The following ACBD6 variants were observed in gnomAD, a reference collection of about 807,000 sequenced individuals.
ACBD6 encodes the protein acyl-CoA-binding domain-containing protein 6.
Under a neutral mutation model 37.2 loss-of-function variants are expected in ACBD6, and 28 were observed. That is an observed-to-expected ratio of 0.75 (90% CI 0.56 to 1.03). The LOEUF is 1.03. Among genes scored for constraint, ACBD6 ranks in the 50% least tolerant of loss-of-function variants. The pLI, the probability that ACBD6 is intolerant of heterozygous loss-of-function variation, is 0.00. For missense variants in ACBD6, 340 were observed against 337.4 expected, an observed-to-expected ratio of 1.01 and a Z score of -0.06; for synonymous variants, 113 against 126.8, an observed-to-expected ratio of 0.89 and a Z score of 0.73.
chr1:180,342,806 A>G (rs1189457259), intron 6 of ACBD6, among the ~76,000 whole-genome samples: 1 of 152,096 alleles, frequency 6.6e-6, no homozygotes, highest in Non-Finnish European at 1.5e-5. Flanking sequence ...TTTAAAATAT[A>G]TTACAAAGAA....
At chr1:180,273,166 A>C (rs1016577020) in intron 12 of ACBD6, 1 of 152,292 alleles carries the variant, frequency 6.6e-6, no homozygotes, top group African/African-American at 2.4e-5. Context: ...CCAGGTGGAA[A>C]TAGAAAAGGA....
At chr1:180,384,791 T>C (rs1176166291) in intron 6 of ACBD6, among the ~76,000 whole-genome samples, 1 of 152,144 alleles carries the variant, frequency 6.6e-6, no homozygotes, top group East Asian at 1.9e-4. Context: ...AAATGTGGTA[T>C]GCATACACAA....
At chr1:180,420,265 AC>A (rs1648300480) in intron 4 of ACBD6, among the ~76,000 whole-genome samples, 1 of 152,112 alleles carries the variant, frequency 6.6e-6, no homozygotes, top group Non-Finnish European at 1.5e-5. Flanking sequence ...TGCCATACTC[AC>A]AATCTTTCAT....
chr1:180,346,764 T>C (rs938130980), intron 6 of ACBD6, among the ~76,000 whole-genome samples: 2 of 152,180 alleles, frequency 1.3e-5, no homozygotes, highest in Non-Finnish European at 2.9e-5. Context: ...AGGCTGGGCA[T>C]GGTAGCTCAT....
At chr1:180,435,234 T>C (rs1648981813) in intron 3 of ACBD6, 2 of 666,402 alleles carry the variant, frequency 3.0e-6, no homozygotes, top group Non-Finnish European at 2.8e-6. Flanking sequence ...TTACGAGGGC[T>C]GGCTGGCCGG....
chr1:180,494,509 C>G (rs1651652299), intron 2 of ACBD6, among the ~76,000 whole-genome samples: 1 of 152,140 alleles, frequency 6.6e-6, no homozygotes, highest in Non-Finnish European at 1.5e-5. Context: ...CTGAACTAAA[C>G]AGCGTGGTTA....
intron 7 of ACBD6, among the ~76,000 whole-genome samples, chr1:180,295,823 TG>T (rs1649895496): frequency 6.6e-6 from 1 of 152,166 alleles, no homozygotes; most frequent in Non-Finnish European, 1.5e-5. Context: ...TCCCTCTCCT[TG>T]GGTCTCCCTA....
intron 6 of ACBD6, among the ~76,000 whole-genome samples, chr1:180,349,267 CTT>C (rs11318564): frequency 2.7e-4 from 38 of 139,212 alleles, no homozygotes; most frequent in Admixed American, 4.3e-4. Flanking sequence ...ATTTTAATTT[CTT>C]TTTTTTTTTT....
At chr1:180,319,420 T>C (rs115001977) in intron 6 of ACBD6, among the ~76,000 whole-genome samples, 231 of 152,342 alleles carry the variant, frequency 1.5e-3, no homozygotes, top group African/African-American at 5.3e-3. Flanking sequence ...GGTACTGATA[T>C]AGGCATGCTA....
intron 6 of ACBD6, among the ~76,000 whole-genome samples, chr1:180,392,282 T>TAC (rs59508850): frequency 1.2e-4 from 3 of 24,852 alleles, no homozygotes; most frequent in Non-Finnish European, 4.2e-4. Context: ...TGTGTGTGTG[T>TAC]GTATGTATGT....
intron 3 of ACBD6, among the ~76,000 whole-genome samples, chr1:180,481,145 C>T (rs1180651042): frequency 6.6e-6 from 1 of 152,112 alleles, no homozygotes; most frequent in Non-Finnish European, 1.5e-5. Flanking sequence ...AGGGCATGCA[C>T]TTCACTGCAA....
chr1:180,304,315 T>C (rs554051759), intron 7 of ACBD6, among the ~76,000 whole-genome samples: 92 of 150,846 alleles, frequency 6.1e-4, no homozygotes, highest in African/African-American at 2.2e-3. Context: ...GGAAGTCAAA[T>C]TGTCCCTGTT....
At chr1:180,372,341 A>C (rs1480835655) in intron 6 of ACBD6, among the ~76,000 whole-genome samples, 1 of 152,188 alleles carries the variant, frequency 6.6e-6, no homozygotes. Context: ...TAAATAAGTT[A>C]CAGACATCAT....
At chr1:180,277,869 A>AC (rs1649128028) in intron 9 of ACBD6, 1 of 56,852 alleles carries the variant, frequency 1.8e-5, no homozygotes. Context: ...GTGTCCTTAA[A>AC]CTTTTTTTGG....
chr1:180,309,854 A>T (rs1327573626), intron 7 of ACBD6, among the ~76,000 whole-genome samples: 1 of 152,002 alleles, frequency 6.6e-6, no homozygotes, highest in Non-Finnish European at 1.5e-5. Context: ...GCTGAGACAA[A>T]TTTTTTTCTG....
chr1:180,315,178 CT>C lies in ACBD6; in HGVS notation c.664-457del, dbSNP rs200938043. Among the ~76,000 whole-genome samples, 406 of 152,168 alleles carry C rather than the reference CT, an allele frequency of 2.7e-3. 2 individuals carry two copies. The highest frequency in any genetic ancestry group is 9.5e-3 in the African/African-American group (393 of 41,524). On this transcript the variant is annotated intron_variant, in intron 6 of 7. Transcript: ENST00000367595. The stretch of plus-strand genomic sequence containing the variant: ...TTTTCAAAGACTCACAAATTCCAGG[CT>C]AATAACACCGGGTTTCATAACCAGA...
At chr1:180,500,522 G>C (rs112824291) in intron 1 of ACBD6, among the ~76,000 whole-genome samples, 1 of 151,536 alleles carries the variant, frequency 6.6e-6, no homozygotes, top group African/African-American at 2.4e-5. Flanking sequence ...ATGAAACCCC[G>C]TCTCTTCTAA....
intron 6 of ACBD6, among the ~76,000 whole-genome samples, chr1:180,350,393 A>T (rs995954428): frequency 7.2e-6 from 1 of 139,226 alleles, no homozygotes; most frequent in Non-Finnish European, 1.5e-5. Flanking sequence ...ACCCTAGTTC[A>T]GGTATTTGAG....
intron 6 of ACBD6, among the ~76,000 whole-genome samples, chr1:180,383,901 C>A (rs1394000636): frequency 1.3e-5 from 2 of 151,746 alleles, no homozygotes; most frequent in Admixed American, 6.6e-5. Flanking sequence ...AACAAAGATG[C>A]CAAGAATATA....
Sources: gnomAD v4.1 joint callset for allele counts (sites outside exome capture counted in the v4.1 genomes callset) on GRCh38, gnomAD v4.1.1 for gene constraint, MANE v1.5 for transcripts, NCBI Gene and HGNC (gene_info 2026-07-23, HGNC 2026-07-21) for gene names.